Variants in PTPRD observed in about 807,000 individuals in gnomAD.
The protein encoded by PTPRD is receptor-type tyrosine-protein phosphatase delta.
A neutral mutation model predicts 214.5 loss-of-function variants in PTPRD; 34 were observed. That is an observed-to-expected ratio of 0.16 (90% CI 0.12 to 0.21). The LOEUF is 0.21. Among genes scored for constraint, PTPRD ranks in the 10% least tolerant of loss-of-function variants. The pLI, the probability that PTPRD is intolerant of heterozygous loss-of-function variation, is 1.00. For missense variants in PTPRD, 2,545 were observed against 2,398.7 expected (o/e 1.06, Z -1.27); for synonymous variants, 1,128 against 845.7 (o/e 1.33, Z -5.79).
chr9:9,245,502 A>T (rs1324588685), intron 9 of PTPRD, among the ~76,000 whole-genome samples: 4 of 152,082 alleles, frequency 2.6e-5, no homozygotes, highest in African/African-American at 9.7e-5. Flanking sequence ...CATCATTCTC[A>T]GCAAACTATT....
chr9:9,997,362 C>T lies in PTPRD; in HGVS notation c.-472+36356G>A, dbSNP rs567656771. Among the ~76,000 whole-genome samples the T allele has an allele frequency of 1.7e-4, 26 of 151,568 alleles. No homozygotes were observed. In the South Asian group the frequency reaches 4.8e-3, roughly 28 times the overall value. ...GTGCAATGATGCAATCTTAGCTCAC[C>T]GCAACCTCTGCCTCCTGGGTTCAAG... On this transcript the variant is annotated intron_variant, in intron 4 of 45. Transcript: ENST00000381196.
chr9:9,814,456 A>G (rs796629493), intron 5 of PTPRD, among the ~76,000 whole-genome samples: 15 of 152,322 alleles, frequency 9.8e-5, no homozygotes, highest in African/African-American at 3.6e-4. Context: ...TACAAAATCA[A>G]CATAAAAAAT....
intron 39 of PTPRD, among the ~76,000 whole-genome samples, chr9:8,344,766 G>C (rs141453865): frequency 6.6e-6 from 1 of 151,934 alleles, no homozygotes; most frequent in Admixed American, 6.6e-5. Context: ...ATGGCTGTGT[G>C]TCCTTGAGAA....
chr9:9,079,272 T>C (rs1030728660), intron 10 of PTPRD, among the ~76,000 whole-genome samples: 8 of 152,090 alleles, frequency 5.3e-5, no homozygotes, highest in Admixed American at 1.3e-4. Context: ...ATCAAATTTT[T>C]TTTAGCTTCC....
At chr9:9,033,233 T>C (rs1590167326) in intron 10 of PTPRD, among the ~76,000 whole-genome samples, 1 of 152,242 alleles carries the variant, frequency 6.6e-6, no homozygotes, top group South Asian at 2.1e-4. Context: ...TTTCCAAGAA[T>C]GTGTGACAGA....
chr9:9,938,316 A>G (rs191586149), intron 5 of PTPRD, among the ~76,000 whole-genome samples, 191 bp downstream of exon 5: 28 of 152,304 alleles, frequency 1.8e-4, no homozygotes, highest in Non-Finnish European at 2.9e-4. Flanking sequence ...GGTGGATTAA[A>G]AAGTATATGC....
chr9:10,197,285 T>C (rs1445696751), intron 3 of PTPRD, among the ~76,000 whole-genome samples: 1 of 152,138 alleles, frequency 6.6e-6, no homozygotes, highest in African/African-American at 2.4e-5. Flanking sequence ...TAATTATAAA[T>C]TTAGTCAATG....
intron 10 of PTPRD, among the ~76,000 whole-genome samples, chr9:9,039,572 A>G (rs746506374): frequency 5.3e-5 from 8 of 152,146 alleles, no homozygotes; most frequent in South Asian, 4.1e-4. Context: ...CCTTTCTGCT[A>G]CAAGAGTTGA....
intron 3 of PTPRD, among the ~76,000 whole-genome samples, chr9:10,305,862 G>T (rs910867450): frequency 3.9e-5 from 6 of 152,138 alleles, no homozygotes; most frequent in Non-Finnish European, 7.3e-5. Flanking sequence ...AAGAGAGTGT[G>T]GCGATTCCTC....
intron 5 of PTPRD, among the ~76,000 whole-genome samples, chr9:9,773,215 TC>T (rs1565153774): frequency 6.6e-6 from 1 of 151,874 alleles, no homozygotes; most frequent in African/African-American, 2.4e-5. Context: ...TCCCTCCTCA[TC>T]CCCCCAAATG....
intron 9 of PTPRD, among the ~76,000 whole-genome samples, chr9:9,316,953 A>C (rs1963530584): frequency 6.6e-6 from 1 of 152,152 alleles, no homozygotes; most frequent in Non-Finnish European, 1.5e-5. Context: ...TTATATAGGA[A>C]TCTGCCCTCA....
chr9:8,657,461 G>A (rs142091632), intron 12 of PTPRD, among the ~76,000 whole-genome samples: 3,006 of 152,176 alleles, frequency 0.02, 39 homozygotes, highest in Middle Eastern at 0.065. Flanking sequence ...GAGCCACCGT[G>A]CCCGGCCTGC....
chr9:10,437,322 C>T (rs1157673431), intron 2 of PTPRD, among the ~76,000 whole-genome samples: 1 of 151,772 alleles, frequency 6.6e-6, no homozygotes, highest in Non-Finnish European at 1.5e-5. Context: ...TGCACAAATA[C>T]ATATATTCAG....
intron 2 of PTPRD, among the ~76,000 whole-genome samples, chr9:10,468,746 C>G (rs114808018): frequency 0.045 from 6,898 of 152,038 alleles, 468 homozygotes; most frequent in African/African-American, 0.15. Flanking sequence ...ACAAATTCAG[C>G]AGTGAATGTT....
intron 2 of PTPRD, among the ~76,000 whole-genome samples, chr9:10,369,955 G>T (rs563882909): frequency 3.3e-5 from 5 of 152,036 alleles, no homozygotes; most frequent in Non-Finnish European, 5.9e-5. Flanking sequence ...GCGAGGCATT[G>T]TCCTAATACT....
In PTPRD at chr9:10,450,951, G is replaced by A. The variant is rs544425055; in HGVS notation, c.-599-109934C>T. On this transcript the variant is annotated intron_variant, in intron 2 of 45. Coordinates refer to ENST00000381196, the MANE Select transcript of PTPRD (RefSeq NM_002839.4). ...ATTTATAAAAATCTCTAAGTACTCT[G>A]AGAAGTCAAAACCCATATTGCTAGC... 1.3e-5 allele frequency among the ~76,000 whole-genome samples: 2 copies of A among 152,024 alleles called. 1 individual carries two copies. Among genetic ancestry groups the A allele is most frequent in the African/African-American group, 4.8e-5 (2 of 41,338 alleles).
chr9:9,840,982 C>T (rs1233882812), intron 5 of PTPRD, among the ~76,000 whole-genome samples: 2 of 151,976 alleles, frequency 1.3e-5, no homozygotes, highest in Non-Finnish European at 2.9e-5. Context: ...TAAAGGACCA[C>T]TGAGCTAGAT....
At chr9:10,018,407 C>A (rs897481683) in intron 4 of PTPRD, among the ~76,000 whole-genome samples, 2 of 151,738 alleles carry the variant, frequency 1.3e-5, no homozygotes, top group African/African-American at 2.4e-5. Flanking sequence ...AGATCTGTGT[C>A]CCCTTATAAA....
At chr9:9,239,909 C>A (rs2099969509) in intron 9 of PTPRD, among the ~76,000 whole-genome samples, 1 of 152,156 alleles carries the variant, frequency 6.6e-6, no homozygotes, top group South Asian at 2.1e-4. Flanking sequence ...CATCTGATTG[C>A]TCAAAACCCA....
Sources: allele counts gnomAD v4.1 joint callset (sites outside exome capture counted in the v4.1 genomes callset), GRCh38; gene constraint gnomAD v4.1.1; transcripts MANE v1.5; gene names NCBI Gene and HGNC (gene_info 2026-07-23, HGNC 2026-07-21).